KCNN2: variants seen among roughly 807,000 people sequenced by gnomAD.
KCNN2 encodes potassium calcium-activated channel subfamily N member 2.
In KCNN2, 24 loss-of-function variants were observed where a neutral mutation model predicts 55.5. That is an observed-to-expected ratio of 0.43 (90% confidence interval 0.31 to 0.61). The LOEUF (loss-of-function observed/expected upper bound fraction) is 0.61. Among genes scored for constraint, KCNN2 ranks in the 20% least tolerant of loss-of-function variants. The pLI is 0.08. For synonymous variants in KCNN2, 431 were observed against 336.1 expected (o/e 1.28, Z -3.09); for missense variants, 754 against 853.6 (o/e 0.88, Z 1.45).
chr5:114,372,492 T>G (rs746270391), intron 2 of KCNN2, among the ~76,000 whole-genome samples: 4 of 152,174 alleles, frequency 2.6e-5, no homozygotes, highest in African/African-American at 7.2e-5. Context: ...AGTCTATTAG[T>G]GATATCCAAG....
At chr5:114,282,465 C>T (rs923372350) in intron 2 of KCNN2, among the ~76,000 whole-genome samples, 89 of 151,994 alleles carry the variant, frequency 5.9e-4, no homozygotes, top group African/African-American at 2.1e-3. Context: ...TTTGCTATTA[C>T]TTTAAATTAG....
intron 1 of KCNN2, among the ~76,000 whole-genome samples, chr5:114,219,389 C>T (rs780359571): frequency 5.9e-5 from 9 of 152,206 alleles, no homozygotes; most frequent in East Asian, 1.9e-4. Context: ...AATTGAAGGA[C>T]GGTAAATGTG....
intron 2 of KCNN2, among the ~76,000 whole-genome samples, chr5:114,323,805 T>C (rs1479134888): frequency 6.6e-6 from 1 of 151,838 alleles, no homozygotes; most frequent in African/African-American, 2.4e-5. Context: ...TGTGCCACCA[T>C]GCCCAGCTAA....
chr5:114,450,023 T>C (rs1172494003), intron 3 of KCNN2, among the ~76,000 whole-genome samples: 1 of 152,124 alleles, frequency 6.6e-6, no homozygotes, highest in African/African-American at 2.4e-5. Context: ...CTAGCACTGA[T>C]CTGGCTGAAC....
chr5:114,494,093 C>T (rs569978924), intron 7 of KCNN2, among the ~76,000 whole-genome samples: 1 of 152,076 alleles, frequency 6.6e-6, no homozygotes, highest in East Asian at 1.9e-4. Flanking sequence ...AGTTGTTTCT[C>T]CCCACATAAA....
chr5:114,323,661 T>TTTTTTTTTTTTTTTTTTTC, intron 2 of KCNN2, among the ~76,000 whole-genome samples: 1 of 140,228 alleles, frequency 7.1e-6, no homozygotes, highest in African/African-American at 2.6e-5. Flanking sequence ...TTTTTTTTTT[T>TTTTTTTTTTTTTTTTTTTC]TTTTTTGCTG....
At chr5:114,272,341 TATATGTATGTACATACCATATAC>T (rs1755359876) in intron 2 of KCNN2, among the ~76,000 whole-genome samples, 2 of 75,710 alleles carry the variant, frequency 2.6e-5, no homozygotes, top group Non-Finnish European at 5.9e-5. Context: ...TATACACACA[TATATGTATGTACATACCATATAC>T]ACACACATAT....
intron 2 of KCNN2, among the ~76,000 whole-genome samples, chr5:114,322,790 T>G (rs1335389083): frequency 4.6e-5 from 7 of 152,226 alleles, no homozygotes; most frequent in African/African-American, 1.7e-4. Context: ...TAATATATTT[T>G]AAAACATAAA....
chr5:114,377,437 T>C (rs1056905887), intron 2 of KCNN2, among the ~76,000 whole-genome samples: 2 of 152,190 alleles, frequency 1.3e-5, no homozygotes, highest in African/African-American at 4.8e-5. Context: ...ATGGTGTCTG[T>C]TGCTTGTACT....
chr5:114,293,935 G>A (rs6872653), intron 2 of KCNN2, among the ~76,000 whole-genome samples: 3,215 of 152,168 alleles, frequency 0.021, 118 homozygotes, highest in African/African-American at 0.073. Context: ...GTGTATGTGT[G>A]GAGGAATTTA....
chr5:114,477,099 T>A (rs1762003778), intron 5 of KCNN2, among the ~76,000 whole-genome samples: 1 of 79,614 alleles, frequency 1.3e-5, no homozygotes, highest in Non-Finnish European at 3.6e-5. Flanking sequence ...GGTTACTACA[T>A]ATTGTTAGAG....
At position 114,151,764 on chromosome 5, in the gene KCNN2, T is replaced by C. The variant is rs150137400; in HGVS notation, c.-270-69716T>C. Among the ~76,000 whole-genome samples, 24 of 152,208 alleles carry C rather than the reference T, an allele frequency of 1.6e-4. No homozygotes were observed. In the East Asian group the frequency reaches 4.6e-3, roughly 29 times the overall value. ...AGAGAGATGTATTTCCAAGGAGTTA[T>C]CCTGATGTTTGACTTTGGAGTTGGT... is the stretch of plus-strand genomic sequence containing the variant. On this transcript the variant is annotated intron_variant, in intron 1 of 10. Coordinates refer to the KCNN2 transcript ENST00000512097.
chr5:114,105,196 C>T (rs914021993), intron 1 of KCNN2, among the ~76,000 whole-genome samples: 1 of 152,026 alleles, frequency 6.6e-6, no homozygotes, highest in Non-Finnish European at 1.5e-5. Context: ...GCACACCCCG[C>T]AGAGCCTATT....
intron 1 of KCNN2, among the ~76,000 whole-genome samples, chr5:114,203,428 A>C (rs974632490): frequency 8.6e-5 from 13 of 151,882 alleles, no homozygotes; most frequent in African/African-American, 3.1e-4. Context: ...TTTTTTTTAG[A>C]TTTACTTAGG....
chr5:114,066,651 C>T (rs1483333477), intron 1 of KCNN2, among the ~76,000 whole-genome samples: 2 of 152,196 alleles, frequency 1.3e-5, no homozygotes, highest in Non-Finnish European at 2.9e-5. Context: ...GTGATCTCGG[C>T]TCACTGCAAC....
At chr5:114,253,221 C>G (rs567438152) in intron 2 of KCNN2, among the ~76,000 whole-genome samples, 6 of 146,300 alleles carry the variant, frequency 4.1e-5, no homozygotes, top group African/African-American at 1.5e-4. Context: ...AGATATTTCT[C>G]CTAGTGCCTT....
intron 1 of KCNN2, among the ~76,000 whole-genome samples, chr5:114,146,283 T>C (rs1226724655): frequency 6.6e-6 from 1 of 152,198 alleles, no homozygotes; most frequent in African/African-American, 2.4e-5. Context: ...AGACAACTCC[T>C]TATCCCCCTC....
At chr5:114,227,013 C>T (rs1294633732) in intron 2 of KCNN2, among the ~76,000 whole-genome samples, 7 of 150,868 alleles carry the variant, frequency 4.6e-5, no homozygotes, top group African/African-American at 1.7e-4. Context: ...TAGCAAAATA[C>T]TTCTGTGTCT....
At chr5:114,163,413 T>C (rs752776610) in intron 1 of KCNN2, among the ~76,000 whole-genome samples, 5 of 152,202 alleles carry the variant, frequency 3.3e-5, no homozygotes, top group Non-Finnish European at 7.3e-5. Context: ...AGTATGATAT[T>C]GGCTGTGGGT....
Sources: gnomAD v4.1 joint callset for allele counts (sites outside exome capture counted in the v4.1 genomes callset) on GRCh38, gnomAD v4.1.1 for gene constraint, MANE v1.5 for transcripts, NCBI Gene and HGNC (gene_info 2026-07-23, HGNC 2026-07-21) for gene names.